ALK: variants seen among roughly 807,000 people sequenced by gnomAD.
ALK encodes ALK receptor tyrosine kinase, also known as ALK tyrosine kinase receptor.
ALK carries 74 observed loss-of-function variants against 163.1 expected under a neutral mutation model. That is an observed-to-expected ratio of 0.45 (90% CI 0.38 to 0.55). The LOEUF (loss-of-function observed/expected upper bound fraction) is 0.55. Ranked by LOEUF, ALK falls within the 20% of genes least tolerant of loss-of-function variation. The probability of loss-of-function intolerance (pLI) is 0.00; values close to 1 mark genes in which losing one functional copy is unlikely to be tolerated. For missense variants in ALK, 2,063 were observed against 2,105.3 expected (o/e 0.98, Z 0.39); for synonymous variants, 960 against 843.2 (o/e 1.14, Z -2.40).
At chr2:29,666,527 C>T (rs746829426) in intron 3 of ALK, among the ~76,000 whole-genome samples, 2 of 152,060 alleles carry the variant, frequency 1.3e-5, no homozygotes, top group Non-Finnish European at 2.9e-5. Flanking sequence ...ACAGGAGATT[C>T]TGAGACCTCT....
At chr2:29,636,629 G>T (rs1676540137) in intron 3 of ALK, among the ~76,000 whole-genome samples, 1 of 152,078 alleles carries the variant, frequency 6.6e-6, no homozygotes, top group South Asian at 2.1e-4. Flanking sequence ...CTTTTGCTCT[G>T]CAAAAAGATC....
chr2:29,718,923 G>A (rs965078976), intron 1 of ALK, among the ~76,000 whole-genome samples: 3 of 152,210 alleles, frequency 2.0e-5, no homozygotes, highest in African/African-American at 7.2e-5. Flanking sequence ...CATTTTCCCA[G>A]TCTGCCTGCT....
At chr2:29,457,305 G>T (rs1478748551) in intron 4 of ALK, among the ~76,000 whole-genome samples, 2 of 152,132 alleles carry the variant, frequency 1.3e-5, no homozygotes, top group African/African-American at 4.8e-5. Flanking sequence ...GCCCATCTAT[G>T]CTCAGGTGAA....
chr2:29,729,924 G>A lies in ALK; in HGVS notation c.668-12227C>T, dbSNP rs926383758. ...TTTATTGCATATTGGTTTGTGACTT[G>A]GTTTTCACTCACTTAACAAGACAGC... On this transcript the variant is annotated intron_variant, in intron 1 of 28. Transcript: ENST00000389048. Among the ~76,000 whole-genome samples, 3 of 152,336 alleles carry A rather than the reference G, an allele frequency of 2.0e-5. No homozygotes were observed. In the South Asian group the frequency reaches 6.2e-4, roughly 32 times the overall value.
chr2:29,307,516 T>C (rs1033733818), intron 8 of ALK, among the ~76,000 whole-genome samples: 13 of 152,318 alleles, frequency 8.5e-5, no homozygotes, highest in Admixed American at 6.5e-4. Context: ...GGAACATCTC[T>C]GTATGGGGGT....
At chr2:29,499,765 T>C (rs1672120519) in intron 4 of ALK, among the ~76,000 whole-genome samples, 1 of 152,020 alleles carries the variant, frequency 6.6e-6, no homozygotes, top group Non-Finnish European at 1.5e-5. Flanking sequence ...TGCCAGCCCA[T>C]GTCTTCCTGA....
chr2:29,510,411 G>A (rs987338735), intron 4 of ALK, among the ~76,000 whole-genome samples: 1 of 152,002 alleles, frequency 6.6e-6, no homozygotes, highest in East Asian at 1.9e-4. Flanking sequence ...CATAAAACAT[G>A]GCCCCAAAAT....
At position 29,908,877 on chromosome 2, in the gene ALK, C is replaced by T. The variant is rs74378143; in HGVS notation, c.667+11116G>A. On this transcript the variant is annotated intron_variant, in intron 1 of 28. Coordinates refer to ENST00000389048, the MANE Select transcript of ALK (RefSeq NM_004304.5). ...TAGCATACTTTGTCTGCCTTTTCTC[C>T]TCCAACTAGTTTGTGAACTCCTGGG... Among the ~76,000 whole-genome samples the T allele has an allele frequency of 4.3e-3, 661 of 152,306 alleles. 15 individuals carry two copies. The East Asian group carries it at 0.077, about 18-fold the overall frequency.
intron 1 of ALK, among the ~76,000 whole-genome samples, chr2:29,839,912 A>C (rs1665656723): frequency 6.6e-6 from 1 of 152,190 alleles, no homozygotes; most frequent in African/African-American, 2.4e-5. Context: ...CACTTTACAC[A>C]CATCAGCTCA....
chr2:29,389,705 T>C (rs559104297), intron 4 of ALK, among the ~76,000 whole-genome samples: 5 of 152,344 alleles, frequency 3.3e-5, no homozygotes, highest in African/African-American at 9.6e-5. Context: ...GCTGAGTTAA[T>C]CCAAACGTTC....
intron 8 of ALK, among the ~76,000 whole-genome samples, chr2:29,314,206 G>C (rs1341210095): frequency 1.3e-5 from 2 of 152,136 alleles, no homozygotes; most frequent in Non-Finnish European, 1.5e-5. Context: ...TTTGAGAAGG[G>C]CTTCAGGGAT....
At chr2:29,839,302 A>T (rs1319695121) in intron 1 of ALK, among the ~76,000 whole-genome samples, 1 of 152,300 alleles carries the variant, frequency 6.6e-6, no homozygotes, top group South Asian at 2.1e-4. Flanking sequence ...TTATATAATA[A>T]GAAAGATGAG....
intron 3 of ALK, among the ~76,000 whole-genome samples, chr2:29,677,327 C>A (rs1158047784): frequency 7.1e-6 from 1 of 141,604 alleles, no homozygotes; most frequent in African/African-American, 2.6e-5. Flanking sequence ...TCAATCACTA[C>A]AAGTGATGAA....
chr2:29,662,837 T>A (rs1677391287), intron 3 of ALK, among the ~76,000 whole-genome samples: 4 of 152,166 alleles, frequency 2.6e-5, no homozygotes, highest in Middle Eastern at 3.2e-3. Context: ...TAATATCATG[T>A]TTAACCCTTG....
At chr2:29,641,284 C>G (rs1258752179) in intron 3 of ALK, among the ~76,000 whole-genome samples, 1 of 151,998 alleles carries the variant, frequency 6.6e-6, no homozygotes, top group Non-Finnish European at 1.5e-5. Flanking sequence ...AGGGAGGCCA[C>G]AGTCTTTCAA....
At chr2:29,754,488 C>T (rs41344745) in intron 1 of ALK, among the ~76,000 whole-genome samples, 8,331 of 152,112 alleles carry the variant, frequency 0.055, 756 homozygotes, top group African/African-American at 0.19. Flanking sequence ...ACCAAATATT[C>T]TACAGCAGTG....
intron 4 of ALK, among the ~76,000 whole-genome samples, chr2:29,499,246 G>T (rs1672107374): frequency 6.6e-6 from 1 of 152,116 alleles, no homozygotes; most frequent in Non-Finnish European, 1.5e-5. Flanking sequence ...ACCCAGGCTG[G>T]AGTTCAATGG....
intron 5 of ALK, among the ~76,000 whole-genome samples, chr2:29,364,521 C>T (rs1019378641): frequency 2.6e-5 from 4 of 152,198 alleles, no homozygotes; most frequent in African/African-American, 9.7e-5. Flanking sequence ...CATCCTTGAG[C>T]ATGGAGCCAA....
intron 5 of ALK, among the ~76,000 whole-genome samples, chr2:29,363,307 C>T (rs569308208): frequency 6.6e-6 from 1 of 152,202 alleles, no homozygotes; most frequent in Non-Finnish European, 1.5e-5. Context: ...TTCCTAGGGG[C>T]CTTCACCGAT....
Sources: gnomAD v4.1 joint callset for allele counts (sites outside exome capture counted in the v4.1 genomes callset) on GRCh38, gnomAD v4.1.1 for gene constraint, MANE v1.5 for transcripts, NCBI Gene and HGNC (gene_info 2026-07-23, HGNC 2026-07-21) for gene names.